Variants in WIPI2 observed in about 807,000 individuals in gnomAD.
WIPI2 encodes WD repeat domain phosphoinositide-interacting protein 2.
In WIPI2, 28 loss-of-function variants were observed where a neutral mutation model predicts 52.3. That is an observed-to-expected ratio of 0.54 (90% CI 0.40 to 0.73). The LOEUF is 0.73. WIPI2 is among the 30% of genes least tolerant of loss of function. The pLI, the probability that WIPI2 is intolerant of heterozygous loss-of-function variation, is 0.00. For synonymous variants in WIPI2, 268 were observed against 245.0 expected, an observed-to-expected ratio of 1.09 and a Z score of -0.88; for missense variants, 506 against 602.9, an observed-to-expected ratio of 0.84 and a Z score of 1.68.
chr7:5,225,245 A>G (rs1415223942), intron 8 of WIPI2, among the ~76,000 whole-genome samples: 1 of 151,800 alleles, frequency 6.6e-6, no homozygotes, highest in Non-Finnish European at 1.5e-5. Context: ...GGTTCAAGCA[A>G]TTCTCCTGCC....
intron 3 of WIPI2, 136 bp from the exon 4 acceptor site, chr7:5,214,399 C>G (rs79836883): frequency 1.9e-5 from 30 of 1,607,566 alleles, no homozygotes; most frequent in Non-Finnish European, 2.2e-5. Flanking sequence ...CACCCCATGA[C>G]CACATGTTCC....
intron 3 of WIPI2, 115 bp from the exon 4 acceptor site, chr7:5,214,420 T>C (rs559546289): frequency 6.2e-7 from 1 of 1,610,894 alleles, no homozygotes; most frequent in Non-Finnish European, 8.5e-7. Flanking sequence ...GCAGGCACCC[T>C]CAGCGCTGTG....
Position 5,217,205 on chromosome 7 carries a change from C to T in WIPI2, c.576+18C>T. ...TTAATTTGGTGAGATGCCTTTCCTG[C>T]TCGAATAGCTCTCTAAAGTGTGGCT... On this transcript the variant is annotated intron_variant, in intron 6 of 12. Transcript: ENST00000288828. 2 of 1,612,928 alleles carry T rather than the reference C, an allele frequency of 1.2e-6. No homozygotes were observed. The highest frequency in any genetic ancestry group is 2.2e-5 in the South Asian group (2 of 90,966).
chr7:5,217,464 A>G (rs147065500), intron 6 of WIPI2: 6 of 430,986 alleles, frequency 1.4e-5, no homozygotes, highest in Non-Finnish European at 2.6e-5. Flanking sequence ...ACACCCAGCT[A>G]ATTTTTTATT....
chr7:5,225,381 TC>T (rs1783377772), intron 8 of WIPI2, among the ~76,000 whole-genome samples: 1 of 152,122 alleles, frequency 6.6e-6, no homozygotes, highest in Non-Finnish European at 1.5e-5. Context: ...GACCTCATGA[TC>T]CGCCCACCTT....
chr7:5,190,626 C>A, intron 1 of WIPI2, 133 bp downstream of exon 1: 1 of 912,996 alleles, frequency 1.1e-6, no homozygotes, highest in Non-Finnish European at 1.5e-6. Flanking sequence ...CAGAGGCGTC[C>A]CCAGGGGCGG....
At chr7:5,218,991 T>C (rs4530926) in intron 7 of WIPI2, 142,567 of 152,228 alleles carry the variant, frequency 0.94, 66,791 homozygotes, top group East Asian at 0.96. Flanking sequence ...CTCAAACTAT[T>C]GACCAGAGAA....
intron 4 of WIPI2, 76 bp downstream of exon 4, chr7:5,214,780 C>T (rs1583571082): frequency 6.5e-7 from 1 of 1,527,388 alleles, no homozygotes; most frequent in East Asian, 2.3e-5. Flanking sequence ...ACCCCACCGG[C>T]ATGCCCCTCC....
At position 5,219,798 on chromosome 7, in the gene WIPI2, C is replaced by T. The variant is rs528840519; in HGVS notation, c.669+1784C>T. ...CAATGTTACAAGCTCAGTTTGTGTC[C>T]CTCCATCCAGAGAGAACCAAGTGTT... is the stretch of plus-strand genomic sequence containing the variant. On this transcript the variant is annotated intron_variant, in intron 7 of 12. Coordinates refer to ENST00000288828, the MANE Select transcript of WIPI2 (RefSeq NM_015610.4). Among the ~76,000 whole-genome samples, 5 of 151,998 alleles carry T rather than the reference C, an allele frequency of 3.3e-5. No homozygotes were observed. In the South Asian group the frequency reaches 1.0e-3, roughly 32 times the overall value.
At position 5,228,192 on chromosome 7, in the gene WIPI2, G is replaced by C. The variant is rs556890924; in HGVS notation, c.1102G>C (p.Ala368Pro). 1 of 1,613,362 alleles carries C rather than the reference G, an allele frequency of 6.2e-7. No homozygotes were observed. The highest frequency in any genetic ancestry group is 8.5e-7 in the Non-Finnish European group (1 of 1,179,900). ...GGACCCCCAGGAGGGCGGCGAGTGT[G>C]CCCTGATGAAGCAGCACCGGTGAGT... ...NLDPQEGGEC[A>P]LMKQHRLDGS... is the part of the protein sequence containing the mutation. The change falls in exon 11 of 13, where the codon GCC becomes CCC. Residue 368 changes from alanine to proline, a missense_variant. Around this residue, in one of 4 missense-constraint regions of WIPI2, gnomAD observed 194 missense variants for 175.1 expected, o/e 1.11. Transcript: ENST00000288828.
At chr7:5,215,172 A>T (rs909631808) in intron 4 of WIPI2, among the ~76,000 whole-genome samples, 4 of 152,152 alleles carry the variant, frequency 2.6e-5, no homozygotes, top group African/African-American at 9.7e-5. Context: ...TTAGCCGGGC[A>T]TGGTGGCAGG....
At chr7:5,203,925 G>T (rs552525812) in intron 3 of WIPI2, among the ~76,000 whole-genome samples, 13 of 152,022 alleles carry the variant, frequency 8.6e-5, no homozygotes, top group Non-Finnish European at 1.3e-4. Flanking sequence ...ACCCTGCCAC[G>T]TTCAGTCTTT....
Position 5,225,853 on chromosome 7 carries a change from C to T in WIPI2, c.771C>T (p.Ser257=). The T allele has an allele frequency of 6.2e-7, 1 of 1,613,620 alleles. No individual in the cohort carries two copies. The highest frequency in any genetic ancestry group is 8.5e-7 in the Non-Finnish European group (1 of 1,179,894). The change falls in exon 9 of 13, where the codon AGC becomes AGT. Residue 257 remains serine (S), a synonymous_variant. Transcript: ENST00000288828. ...RCVSICSLAF[S]MDGMFLSASS... is the part of the protein sequence containing the mutation. Reference sequence around the variant, plus strand: ...TGAGCATCTGCTCCCTGGCCTTCAGCATGGACGGCATGTTCCTCTCCGCCT... The same window carrying T: ...TGAGCATCTGCTCCCTGGCCTTCAGTATGGACGGCATGTTCCTCTCCGCCT...
rs908564651 is a variant in WIPI2 at position 5,231,196 on chromosome 7, A to G, written c.*249A>G. ...GTTTGTTTGTTTTCTCTTTTTGCCA[A>G]AATTAACTGTTTGGTGAAGCCCGCA... On this transcript the variant is annotated 3_prime_UTR_variant, in exon 13 of 13. Coordinates refer to ENST00000288828, the MANE Select transcript of WIPI2 (RefSeq NM_015610.4). The G allele has an allele frequency of 2.5e-5, 10 of 405,940 alleles. No homozygotes were observed. The highest frequency in any genetic ancestry group is 1.7e-4 in the African/African-American group (8 of 48,398). 25.1% of individuals were successfully genotyped at this position (405,940 alleles called of 1,614,324 possible).
chr7:5,225,797 C>G (rs771843162), intron 8 of WIPI2, 26 bp from the exon 9 acceptor site: 2 of 1,582,836 alleles, frequency 1.3e-6, no homozygotes, highest in Admixed American at 3.5e-5. Context: ...CTCCGGTGGC[C>G]CGCCCCAACC....
chr7:5,216,482 A>G (rs895774902), intron 4 of WIPI2, 81 bp from the exon 5 acceptor site: 84 of 1,088,496 alleles, frequency 7.7e-5, no homozygotes, highest in Middle Eastern at 4.0e-4. Flanking sequence ...GTCATAGTCC[A>G]GGAGTCAGTC....
intron 3 of WIPI2, among the ~76,000 whole-genome samples, chr7:5,203,724 C>T (rs556089033): frequency 6.6e-6 from 1 of 151,674 alleles, no homozygotes; most frequent in Admixed American, 6.6e-5. Flanking sequence ...GCTCCGCCTC[C>T]CGGATTCGCG....
chr7:5,217,644 T>C (rs779488445), intron 6 of WIPI2: 8 of 459,020 alleles, frequency 1.7e-5, no homozygotes, highest in Non-Finnish European at 3.2e-5. Context: ...ATTCTGCTTC[T>C]GGATCTGCTG....
At chr7:5,215,689 G>C (rs4433032) in intron 4 of WIPI2, among the ~76,000 whole-genome samples, 144,955 of 152,370 alleles carry the variant, frequency 0.95, 69,022 homozygotes, top group African/African-American at 0.99. Flanking sequence ...AAACTAGGAA[G>C]TGGTCTGTTA....
Sources: allele counts gnomAD v4.1 joint callset (sites outside exome capture counted in the v4.1 genomes callset), GRCh38; gene constraint gnomAD v4.1.1; regional missense constraint gnomAD v4.1.1; transcripts MANE v1.5; gene names NCBI Gene and HGNC (gene_info 2026-07-23, HGNC 2026-07-21).